The following PPEF2 variants were observed in gnomAD, a reference collection of about 807,000 sequenced individuals.
PPEF2 encodes protein phosphatase with EF-hand domain 2, also known as serine/threonine-protein phosphatase with EF-hands 2.
In PPEF2, 84 loss-of-function variants were observed where a neutral mutation model predicts 84.7. The observed-to-expected ratio is 0.99, with a 90% CI of 0.83 to 1.19. PPEF2 has a LOEUF of 1.19. PPEF2 is among the 50% of genes most tolerant of loss of function. The probability of loss-of-function intolerance (pLI) is 0.00; values close to 1 mark genes in which losing one functional copy is unlikely to be tolerated. For synonymous variants in PPEF2, 346 were observed against 345.2 expected (o/e 1.00, Z -0.03); for missense variants, 924 against 937.5 (o/e 0.99, Z 0.19).
chr4:75,884,408 C>T (rs1209655823), intron 8 of PPEF2, among the ~76,000 whole-genome samples, 186 bp downstream of exon 8: 1 of 140,150 alleles, frequency 7.1e-6, no homozygotes, highest in Non-Finnish European at 1.5e-5. Flanking sequence ...CCTAGGCGAC[C>T]GAGTGAGACT....
At chr4:75,886,206 G>C (rs552981796) in intron 7 of PPEF2, among the ~76,000 whole-genome samples, 113 of 152,294 alleles carry the variant, frequency 7.4e-4, no homozygotes, top group South Asian at 3.5e-3. Flanking sequence ...ATCCCGCCCA[G>C]GCTGAACCAC....
chr4:75,869,834 G>A (rs1047461595), intron 13 of PPEF2, among the ~76,000 whole-genome samples: 2 of 145,212 alleles, frequency 1.4e-5, no homozygotes, highest in Non-Finnish European at 3.0e-5. Flanking sequence ...GTGACACAGC[G>A]AGACCCTGTC....
At position 75,876,324 on chromosome 4, in the gene PPEF2, CCGGCTT is replaced by C; in HGVS notation, c.1277_1282del (p.Glu426_Ala427del). 6.2e-7 allele frequency: 1 copy of C among 1,612,760 alleles called. No homozygotes were observed. Among genetic ancestry groups the C allele is most frequent in the Non-Finnish European group, 8.5e-7 (1 of 1,179,524 alleles). On this transcript the variant is annotated inframe_deletion, in exon 11 of 17. Coordinates refer to ENST00000286719, the MANE Select transcript of PPEF2 (RefSeq NM_006239.3). ...CTCCTGAGTGGGCTTCCGCAGCTCT[CCGGCTT>C]CAGAGTCTGCTTCTGAGGCTGAGCG...
intron 1 of PPEF2, among the ~76,000 whole-genome samples, chr4:75,901,790 C>T (rs1725129942): frequency 1.3e-5 from 2 of 152,134 alleles, no homozygotes; most frequent in African/African-American, 2.4e-5. Context: ...ATCAATGCCT[C>T]ACATTATCAT....
In PPEF2 at chr4:75,891,993, G is replaced by T; in HGVS notation, c.56-15C>A. On this transcript the variant is annotated splice_polypyrimidine_tract_variant and intron_variant, in intron 2 of 16. Coordinates refer to ENST00000286719, the MANE Select transcript of PPEF2 (RefSeq NM_006239.3). The stretch of plus-strand genomic sequence containing the variant: ...TGCCTTGAAGGCTATGACACCGATG[G>T]AGAAGCAAGCCTGTGAGCTCGGACT... 6.2e-7 allele frequency: 1 copy of T among 1,609,610 alleles called. No individual in the cohort carries two copies. The highest frequency in any genetic ancestry group is 1.1e-5 in the South Asian group (1 of 90,934).
chr4:75,871,892 A>G, intron 13 of PPEF2, 133 bp downstream of exon 13: 1 of 921,740 alleles, frequency 1.1e-6, no homozygotes, highest in East Asian at 2.6e-5. Flanking sequence ...TATTAATAGA[A>G]CTTCATGCTG....
intron 2 of PPEF2, 78 bp downstream of exon 2, chr4:75,896,193 C>T: frequency 6.6e-7 from 1 of 1,512,700 alleles, no homozygotes; most frequent in South Asian, 1.1e-5. Context: ...TGCTTCTACC[C>T]TCAGAACCCC....
At chr4:75,886,292 ATCCCCGCC>A (rs1724721328) in intron 7 of PPEF2, among the ~76,000 whole-genome samples, 1 of 152,150 alleles carries the variant, frequency 6.6e-6, no homozygotes, top group African/African-American at 2.4e-5. Flanking sequence ...GTCTCCTGCC[ATCCCCGCC>A]GGCCCGCAGT....
chr4:75,888,612 T>C (rs1273916062), intron 5 of PPEF2, among the ~76,000 whole-genome samples: 1 of 152,232 alleles, frequency 6.6e-6, no homozygotes, highest in African/African-American at 2.4e-5. Context: ...GGGAAGACCA[T>C]GTGATTGTTT....
At chr4:75,868,957 T>G (rs2149215626) in intron 13 of PPEF2, among the ~76,000 whole-genome samples, 1 of 152,176 alleles carries the variant, frequency 6.6e-6, no homozygotes, top group Non-Finnish European at 1.5e-5. Context: ...TACAGTAAGC[T>G]ATCTATGATC....
At chr4:75,861,518 C>G (rs181254501) in intron 16 of PPEF2, among the ~76,000 whole-genome samples, 57 of 148,472 alleles carry the variant, frequency 3.8e-4, no homozygotes, top group Non-Finnish European at 2.7e-4. Context: ...AAAACTAACT[C>G]TATATGGATC....
intron 6 of PPEF2, among the ~76,000 whole-genome samples, 186 bp downstream of exon 6, chr4:75,888,028 C>G (rs751043845): frequency 3.2e-4 from 48 of 152,178 alleles, no homozygotes; most frequent in Admixed American, 1.2e-3. Flanking sequence ...CCATGATCCC[C>G]TTCGCTGCAC....
chr4:75,882,654 C>A, intron 10 of PPEF2: 1 of 286,152 alleles, frequency 3.5e-6, no homozygotes, highest in Non-Finnish European at 6.5e-6. Context: ...CATGCCACCA[C>A]TCCCAGCTAA....
At chr4:75,898,116 G>T (rs563263176) in intron 1 of PPEF2, among the ~76,000 whole-genome samples, 1 of 152,392 alleles carries the variant, frequency 6.6e-6, no homozygotes, top group Admixed American at 6.5e-5. Flanking sequence ...TTAAGGCACA[G>T]ATCACTCATG....
intron 1 of PPEF2, 73 bp from the exon 2 acceptor site, chr4:75,896,456 A>G (rs1485291216): frequency 2.2e-6 from 2 of 923,226 alleles, no homozygotes; most frequent in East Asian, 2.5e-5. Flanking sequence ...CAAATTGTCT[A>G]TGAATCATGT....
chr4:75,867,498 C>G, intron 13 of PPEF2, 79 bp from the exon 14 acceptor site: 1 of 1,073,418 alleles, frequency 9.3e-7, no homozygotes, highest in African/African-American at 1.6e-5. Flanking sequence ...TATTTCCACT[C>G]TCTCTTTCTT....
At position 75,867,511 on chromosome 4, in the gene PPEF2, C is replaced by T. The variant is rs183909838; in HGVS notation, c.1650-92G>A. On this transcript the variant is annotated intron_variant, in intron 13 of 16. Transcript: ENST00000286719. ...TATATTTCCACTCTCTCTTTCTTAA[C>T]ATATCAGTCTCCCAAGAGCTCAGTT... is the stretch of plus-strand genomic sequence containing the variant. 4 of 946,246 alleles carry T rather than the reference C, an allele frequency of 4.2e-6. No homozygotes were observed. The East Asian group carries it at 1.1e-4, about 25-fold the overall frequency. 58.6% of individuals were successfully genotyped at this position (946,246 alleles called of 1,614,324 possible). A position where few individuals can be genotyped will look rare whatever the true frequency, so the allele number is the denominator to read the frequency against.
At chr4:75,883,134 GA>G in intron 9 of PPEF2, 31 bp downstream of exon 9, 1 of 1,613,768 alleles carries the variant, frequency 6.2e-7, no homozygotes, top group Non-Finnish European at 8.5e-7. Flanking sequence ...TATCTGAACT[GA>G]GAGAAACTTT....
Position 75,860,797 on chromosome 4 carries a change from T to C in PPEF2, c.2132A>G (p.His711Arg). 6.2e-7 allele frequency: 1 copy of C among 1,614,244 alleles called. No individual in the cohort carries two copies. The highest frequency in any genetic ancestry group is 8.5e-7 in the Non-Finnish European group (1 of 1,180,046). The change falls in exon 17 of 17, where the codon CAC (histidine) becomes CGC (arginine). Residue 711 changes from histidine to arginine, a missense_variant. By Grantham distance (29) the His-to-Arg change is conservative. Transcript: ENST00000286719. ...ARSIDFNKDG[H>R]IDINEFLEAF... ...CTCCAGGAACTCATTGATATCAATG[T>C]GGCCATCTTTGTTGAAATCAATGCT... is the stretch of plus-strand genomic sequence containing the variant.
Sources: allele counts gnomAD v4.1 joint callset (sites outside exome capture counted in the v4.1 genomes callset), GRCh38; gene constraint gnomAD v4.1.1; transcripts MANE v1.5; gene names NCBI Gene and HGNC (gene_info 2026-07-23, HGNC 2026-07-21).